C1QTNF3: variants seen among roughly 807,000 people sequenced by gnomAD.
The protein encoded by C1QTNF3 is C1q and TNF related 3.
A neutral mutation model predicts 32.6 loss-of-function variants in C1QTNF3; 26 were observed. That is an observed-to-expected ratio of 0.80 (90% CI 0.58 to 1.11). The LOEUF is 1.11. Among genes scored for constraint, C1QTNF3 ranks in the 50% least tolerant of loss-of-function variants. The pLI is 0.00. For missense variants in C1QTNF3, 362 were observed against 398.2 expected (o/e 0.91, Z 0.77); for synonymous variants, 155 against 146.0 (o/e 1.06, Z -0.44).
the C1QTNF3 span, chr5:34,167,820 T>C: frequency 6.6e-6 from 1 of 152,334 alleles, no homozygotes; most frequent in East Asian, 1.9e-4. Context: ...TGTTTTCCTT[T>C]AGTTTTCTTT....
chr5:34,043,228 C>T (rs1265819639), upstream of C1QTNF3: 16 of 1,275,498 alleles, frequency 1.3e-5, no homozygotes, highest in Middle Eastern at 2.8e-4. Flanking sequence ...GCTGCAGCGG[C>T]GGAGTGGTTT....
chr5:34,153,776 C>T, the C1QTNF3 span, among the ~76,000 whole-genome samples: 2 of 102,976 alleles, frequency 1.9e-5, no homozygotes, highest in Admixed American at 2.1e-4. Context: ...TTAGTGGGTG[C>T]AGCGCACCAG....
the C1QTNF3 span, among the ~76,000 whole-genome samples, chr5:34,145,140 T>C: frequency 6.6e-6 from 1 of 151,486 alleles, no homozygotes; most frequent in Non-Finnish European, 1.5e-5. Flanking sequence ...AAAAATAAAA[T>C]AAAATAAAAT....
chr5:34,178,266 T>G, the C1QTNF3 span, among the ~76,000 whole-genome samples: 6 of 152,152 alleles, frequency 3.9e-5, no homozygotes, highest in Non-Finnish European at 8.8e-5. Flanking sequence ...GGGTGACAAC[T>G]GAAACTCCTC....
chr5:34,154,040 A>AG, the C1QTNF3 span, among the ~76,000 whole-genome samples: 3 of 151,246 alleles, frequency 2.0e-5, no homozygotes, highest in South Asian at 2.1e-4. Context: ...AATAAAAAAA[A>AG]AAAATGTCAT....
chr5:34,157,685 T>A, the C1QTNF3 span, among the ~76,000 whole-genome samples: 1 of 152,284 alleles, frequency 6.6e-6, no homozygotes, highest in South Asian at 2.1e-4. Context: ...TGATGCAGGA[T>A]GGGGACCAAG....
the C1QTNF3 span, among the ~76,000 whole-genome samples, chr5:34,115,553 A>T: frequency 6.6e-6 from 1 of 152,002 alleles, no homozygotes; most frequent in Non-Finnish European, 1.5e-5. Flanking sequence ...ACACGGTGAA[A>T]CCCCATCTCT....
the C1QTNF3 span, among the ~76,000 whole-genome samples, chr5:34,112,243 C>T: frequency 6.6e-6 from 1 of 152,144 alleles, no homozygotes; most frequent in Non-Finnish European, 1.5e-5. Context: ...AAGATGTATT[C>T]TCTTCCATTT....
chr5:34,176,322 G>GC, the C1QTNF3 span, among the ~76,000 whole-genome samples: 6 of 150,888 alleles, frequency 4.0e-5, no homozygotes, highest in Non-Finnish European at 7.4e-5. Context: ...GTTAGTGGGT[G>GC]CAGCACACCA....
At chr5:34,150,414 GCAC>G in the C1QTNF3 span, among the ~76,000 whole-genome samples, 1 of 90,820 alleles carries the variant, frequency 1.1e-5, no homozygotes, top group Admixed American at 1.0e-4. Context: ...ATTTTTTTCA[GCAC>G]CACACCTATT....
the C1QTNF3 span, among the ~76,000 whole-genome samples, chr5:34,070,285 G>A: frequency 6.6e-6 from 1 of 152,124 alleles, no homozygotes; most frequent in South Asian, 2.1e-4. Flanking sequence ...ACCACGTGGA[G>A]AAGGGCAGTC....
At chr5:34,062,477 T>C in the C1QTNF3 span, among the ~76,000 whole-genome samples, 5 of 152,328 alleles carry the variant, frequency 3.3e-5, no homozygotes, top group African/African-American at 1.2e-4. Context: ...GCCTTTTTCC[T>C]ATGAGAAGGA....
the C1QTNF3 span, among the ~76,000 whole-genome samples, chr5:34,119,618 T>A: frequency 6.6e-6 from 1 of 152,108 alleles, no homozygotes; most frequent in Non-Finnish European, 1.5e-5. Flanking sequence ...AATCAAGGTG[T>A]CCACAGGGAT....
chr5:34,101,659 T>C, the C1QTNF3 span, among the ~76,000 whole-genome samples: 1 of 152,206 alleles, frequency 6.6e-6, no homozygotes, highest in South Asian at 2.1e-4. Context: ...TGAGGAAACC[T>C]TGCAATTCCT....
intron 3 of C1QTNF3, among the ~76,000 whole-genome samples, chr5:34,031,354 A>G (rs961118180): frequency 2.0e-5 from 3 of 152,196 alleles, no homozygotes; most frequent in African/African-American, 7.2e-5. Flanking sequence ...AATGTTCTCT[A>G]TCAAACTGGC....
the C1QTNF3 span, among the ~76,000 whole-genome samples, chr5:34,214,463 T>C: frequency 6.6e-6 from 1 of 151,218 alleles, no homozygotes; most frequent in South Asian, 2.1e-4. Flanking sequence ...GGATTAGAAA[T>C]ACATAATTAT....
the C1QTNF3 span, among the ~76,000 whole-genome samples, chr5:34,088,975 C>A: frequency 1.3e-5 from 2 of 151,728 alleles, no homozygotes; most frequent in Admixed American, 1.3e-4. Context: ...TTCTGGAACA[C>A]TTTTATAGGT....
intron 1 of C1QTNF3, among the ~76,000 whole-genome samples, chr5:34,039,595 C>T (rs1383080425): frequency 1.3e-5 from 2 of 152,178 alleles, no homozygotes; most frequent in Admixed American, 6.5e-5. Flanking sequence ...TGTAAGCATG[C>T]ATACCACATT....
Position 34,020,657 on chromosome 5 carries a change from C to T in C1QTNF3, c.886G>A (p.Gly296Ser), listed in dbSNP as rs756522627. 6.2e-7 allele frequency: 1 copy of T among 1,614,194 alleles called. No homozygotes were observed. Among genetic ancestry groups the T allele is most frequent in the Non-Finnish European group, 8.5e-7 (1 of 1,180,040 alleles). ...TGGTCCCCATGGAGAGCGCCATTGC[C>T]CATTCGCAGCCAAACCTCATCCCCT... ...AKGDEVWLRM[G>S]NGALHGDHQR... is the part of the protein sequence containing the mutation. Residue 296 changes from glycine to serine, a missense_variant, in exon 6 of 6, where the codon GGC (glycine) becomes AGC (serine). Gly to Ser is a moderately conservative substitution (Grantham distance 56). Coordinates refer to ENST00000382065, the MANE Select transcript of C1QTNF3 (RefSeq NM_181435.6).
Sources: allele counts gnomAD v4.1 joint callset (sites outside exome capture counted in the v4.1 genomes callset), GRCh38; gene constraint gnomAD v4.1.1; transcripts MANE v1.5; gene names NCBI Gene and HGNC (gene_info 2026-07-23, HGNC 2026-07-21).